ATOSA: variants seen among roughly 807,000 people sequenced by gnomAD.
ATOSA encodes atos homolog A, also known as atos homolog protein A.
chr15:52,667,032 G>A, the ATOSA span, among the ~76,000 whole-genome samples: 1 of 152,190 alleles, frequency 6.6e-6, no homozygotes, highest in Non-Finnish European at 1.5e-5. Flanking sequence ...AAATGTGCTT[G>A]TAGTGACTGA....
the ATOSA span, among the ~76,000 whole-genome samples, chr15:52,629,857 T>C: frequency 0.56 from 84,291 of 151,572 alleles, 27,398 homozygotes; most frequent in Non-Finnish European, 0.73. Context: ...TAATTAAGAA[T>C]TGAAATCAAA....
At chr15:52,684,146 G>A in the ATOSA span, among the ~76,000 whole-genome samples, 1 of 152,190 alleles carries the variant, frequency 6.6e-6, no homozygotes, top group Non-Finnish European at 1.5e-5. Flanking sequence ...AACTGCTCTG[G>A]CCAATACAGT....
the ATOSA span, among the ~76,000 whole-genome samples, chr15:52,666,657 A>T: frequency 1.3e-5 from 2 of 152,358 alleles, no homozygotes; most frequent in East Asian, 3.9e-4. Flanking sequence ...CAAAGATATT[A>T]AAATGCATGC....
At chr15:52,623,026 A>G in the ATOSA span, among the ~76,000 whole-genome samples, 1 of 151,664 alleles carries the variant, frequency 6.6e-6, no homozygotes, top group Non-Finnish European at 1.5e-5. Flanking sequence ...CAGGTGTGTA[A>G]CATGTGCCTG....
the ATOSA span, among the ~76,000 whole-genome samples, chr15:52,606,141 T>A: frequency 1.3e-5 from 2 of 152,000 alleles, no homozygotes; most frequent in African/African-American, 4.8e-5. Flanking sequence ...CAGGAAAAAT[T>A]CATATAATAT....
chr15:52,632,232 G>A, the ATOSA span, among the ~76,000 whole-genome samples: 1 of 152,200 alleles, frequency 6.6e-6, no homozygotes, highest in Non-Finnish European at 1.5e-5. Context: ...TACAACTTAA[G>A]CAAGTAGTTC....
the ATOSA span, among the ~76,000 whole-genome samples, chr15:52,706,181 A>C: frequency 1.3e-5 from 2 of 152,210 alleles, no homozygotes; most frequent in African/African-American, 2.4e-5. Flanking sequence ...TCTACATATT[A>C]AAAAATAAAA....
chr15:52,649,287 A>T, the ATOSA span, among the ~76,000 whole-genome samples: 3 of 152,166 alleles, frequency 2.0e-5, no homozygotes, highest in Non-Finnish European at 4.4e-5. Flanking sequence ...TCAAGGAAAA[A>T]AATGTGTCAT....
the ATOSA span, among the ~76,000 whole-genome samples, chr15:52,681,322 A>G: frequency 6.6e-6 from 1 of 152,192 alleles, no homozygotes; most frequent in African/African-American, 2.4e-5. Flanking sequence ...CTAGGCTCAT[A>G]CAAGTCTCTG....
the ATOSA span, among the ~76,000 whole-genome samples, chr15:52,617,270 TCTTG>T: frequency 2.0e-5 from 3 of 152,116 alleles, no homozygotes; most frequent in Non-Finnish European, 2.9e-5. Context: ...TGTGTCTCCT[TCTTG>T]CTTTTTTTCT....
the ATOSA span, chr15:52,608,609 A>C: frequency 6.2e-7 from 1 of 1,600,866 alleles, no homozygotes; most frequent in Non-Finnish European, 8.5e-7. Context: ...GTAGACAAAC[A>C]GTCTTTTATA....
chr15:52,598,029 CAGG>C, the ATOSA span, among the ~76,000 whole-genome samples: 1 of 152,044 alleles, frequency 6.6e-6, no homozygotes, highest in African/African-American at 2.4e-5. Flanking sequence ...GAGGCTGAGG[CAGG>C]AGAACTGCTT....
the ATOSA span, among the ~76,000 whole-genome samples, chr15:52,686,293 G>T: frequency 1.9e-3 from 296 of 152,278 alleles, 2 homozygotes; most frequent in African/African-American, 7.0e-3. Flanking sequence ...TGGTTAAAAA[G>T]ATTTCATACA....
At chr15:52,591,142 G>T in the ATOSA span, among the ~76,000 whole-genome samples, 1 of 152,180 alleles carries the variant, frequency 6.6e-6, no homozygotes, top group Non-Finnish European at 1.5e-5. Context: ...TATTTGAGCT[G>T]ATTTTCAGCC....
At chr15:52,608,028 G>T in the ATOSA span, among the ~76,000 whole-genome samples, 2 of 152,050 alleles carry the variant, frequency 1.3e-5, no homozygotes, top group Admixed American at 6.6e-5. Flanking sequence ...CTACAGGCAT[G>T]TACCACCATG....
chr15:52,589,468 C>G, the ATOSA span, among the ~76,000 whole-genome samples: 8 of 152,082 alleles, frequency 5.3e-5, no homozygotes, highest in Non-Finnish European at 7.4e-5. Context: ...GCAACTACTA[C>G]CAAGTTTATA....
chr15:52,685,050 AT>A, the ATOSA span, among the ~76,000 whole-genome samples: 2 of 152,210 alleles, frequency 1.3e-5, no homozygotes, highest in Non-Finnish European at 2.9e-5. Flanking sequence ...TTTATTTTTA[AT>A]TTTTCAAAAT....
At chr15:52,596,242 A>G in the ATOSA span, among the ~76,000 whole-genome samples, 4 of 152,218 alleles carry the variant, frequency 2.6e-5, no homozygotes, top group Non-Finnish European at 5.9e-5. Context: ...TAAGATGTCA[A>G]TTTTCCTCCA....
chr15:52,630,329 G>A, the ATOSA span, among the ~76,000 whole-genome samples: 3 of 151,908 alleles, frequency 2.0e-5, no homozygotes, highest in Non-Finnish European at 4.4e-5. Context: ...TACACCAAAG[G>A]CACCACAGAG....
Sources: allele counts gnomAD v4.1 joint callset (sites outside exome capture counted in the v4.1 genomes callset), GRCh38; gene constraint gnomAD v4.1.1; transcripts MANE v1.5; gene names NCBI Gene and HGNC (gene_info 2026-07-23, HGNC 2026-07-21).